IQGAP2: variants seen among roughly 807,000 people sequenced by gnomAD.
IQGAP2 encodes the protein ras GTPase-activating-like protein IQGAP2.
IQGAP2 carries 173 observed loss-of-function variants against 201.3 expected under a neutral mutation model. The ratio of observed to expected loss-of-function variants is 0.86; its 90% CI spans 0.76 to 0.98. IQGAP2 has a LOEUF of 0.98. IQGAP2 is among the 50% of genes least tolerant of loss of function. The pLI is 0.00. For missense variants in IQGAP2, 1,687 were observed against 1,864.8 expected (o/e 0.90, Z 1.76); for synonymous variants, 675 against 673.9 (o/e 1.00, Z -0.03).
rs768954283 is a variant in IQGAP2, at chr5:76,671,852, C to T, written c.2937C>T (p.Asn979=). 1 of 1,614,060 alleles carries T rather than the reference C, an allele frequency of 6.2e-7. No homozygotes were observed. Among genetic ancestry groups the T allele is most frequent in the Non-Finnish European group, 8.5e-7 (1 of 1,179,984 alleles). Residue 979 remains asparagine (N), a synonymous_variant, in exon 24 of 36, where the codon AAC becomes AAT. Transcript: ENST00000274364. ...VSFNRGARGQ[N]TLRQLLAPVV... is the part of the protein sequence containing the mutation. ...TCAATAGAGGTGCCCGGGGACAGAA[C>T]ACCCTGCGCCAACTCCTGGCTCCAG...
intron 2 of IQGAP2, among the ~76,000 whole-genome samples, chr5:76,480,815 T>C (rs1270020301): frequency 6.6e-6 from 1 of 152,196 alleles, no homozygotes; most frequent in African/African-American, 2.4e-5. Context: ...TCTTAGTCTC[T>C]TGTGCCCCTA....
intron 1 of IQGAP2, among the ~76,000 whole-genome samples, chr5:76,439,301 A>G (rs1752894031): frequency 6.6e-6 from 1 of 152,250 alleles, no homozygotes; most frequent in South Asian, 2.1e-4. Context: ...TGTGTTGAGA[A>G]GAATGTATAT....
intron 3 of IQGAP2, among the ~76,000 whole-genome samples, chr5:76,570,130 C>A (rs1333187253): frequency 6.6e-6 from 1 of 152,066 alleles, no homozygotes; most frequent in African/African-American, 2.4e-5. Flanking sequence ...AGGTTTTCTG[C>A]AGAAATATTC....
intron 5 of IQGAP2, among the ~76,000 whole-genome samples, chr5:76,584,361 A>G (rs1205488621): frequency 6.6e-6 from 1 of 152,230 alleles, no homozygotes; most frequent in African/African-American, 2.4e-5. Context: ...TAAAAATGCC[A>G]TCTACTAACC....
In IQGAP2 at chr5:76,437,166, C is replaced by G. The variant is rs371233558; in HGVS notation, c.47-24404C>G. Among the ~76,000 whole-genome samples the G allele has an allele frequency of 3.3e-5, 5 of 152,116 alleles. No individual in the cohort carries two copies. In the East Asian group the frequency reaches 7.8e-4, roughly 24 times the overall value. ...TTTTGGGTTCAAGTGATTCCCATGT[C>G]TCAGCCTCCTGAGTAGCTGAGATTA... On this transcript the variant is annotated intron_variant, in intron 1 of 35. Coordinates refer to ENST00000274364, the MANE Select transcript of IQGAP2 (RefSeq NM_006633.5).
chr5:76,696,074 G>A (rs1011992490), intron 32 of IQGAP2, among the ~76,000 whole-genome samples: 9 of 151,720 alleles, frequency 5.9e-5, no homozygotes, highest in African/African-American at 1.9e-4. Context: ...ATCCTGACCC[G>A]GTGATCCACC....
Position 76,649,602 on chromosome 5 carries a change from T to G in IQGAP2, c.2095-3148T>G, listed in dbSNP as rs2431365. Among the ~76,000 whole-genome samples, 169 of 152,316 alleles carry G rather than the reference T, an allele frequency of 1.1e-3. 3 individuals carry two copies. The East Asian group carries it at 0.022, about 20-fold the overall frequency. On this transcript the variant is annotated intron_variant, in intron 17 of 35. Coordinates refer to ENST00000274364, the MANE Select transcript of IQGAP2 (RefSeq NM_006633.5). ...TGAATGAAGCCTGCTTCATTCTCTGTGGTTTCTCTCAAGGGATGGCGTTCA... is the reference window on the plus strand; with the variant it reads ...TGAATGAAGCCTGCTTCATTCTCTGGGGTTTCTCTCAAGGGATGGCGTTCA...
chr5:76,533,691 C>T (rs1005989622), intron 2 of IQGAP2, among the ~76,000 whole-genome samples: 2 of 152,114 alleles, frequency 1.3e-5, no homozygotes, highest in African/African-American at 4.8e-5. Flanking sequence ...CAGGCACCCA[C>T]CACACCTGGC....
intron 21 of IQGAP2, among the ~76,000 whole-genome samples, chr5:76,660,735 GTTAAA>G (rs1743177341): frequency 6.6e-6 from 1 of 152,128 alleles, no homozygotes; most frequent in African/African-American, 2.4e-5. Context: ...TTTTTTAGCG[GTTAAA>G]TTAATGATTA....
At chr5:76,503,680 C>G (rs868564345) in intron 2 of IQGAP2, among the ~76,000 whole-genome samples, 1 of 152,122 alleles carries the variant, frequency 6.6e-6, no homozygotes, top group Middle Eastern at 3.4e-3. Flanking sequence ...CAATCTCCGC[C>G]TCTTGGGTTC....
chr5:76,646,396 A>C (rs1752040458), intron 17 of IQGAP2, among the ~76,000 whole-genome samples: 1 of 152,218 alleles, frequency 6.6e-6, no homozygotes, highest in African/African-American at 2.4e-5. Context: ...GTGTGAACAC[A>C]TACCCAATGC....
chr5:76,602,594 T>A (rs1016375800), intron 11 of IQGAP2, among the ~76,000 whole-genome samples: 9 of 149,222 alleles, frequency 6.0e-5, no homozygotes, highest in Admixed American at 4.1e-4. Flanking sequence ...TTTTTTTTTT[T>A]AATTTAAATA....
chr5:76,619,556 G>A (rs1053430127), intron 13 of IQGAP2, among the ~76,000 whole-genome samples: 7 of 127,920 alleles, frequency 5.5e-5, no homozygotes, highest in South Asian at 2.5e-4. Flanking sequence ...TCACTCTGTC[G>A]CCCAGGCTGG....
At chr5:76,427,302 G>A (rs949008651) in intron 1 of IQGAP2, among the ~76,000 whole-genome samples, 7 of 152,104 alleles carry the variant, frequency 4.6e-5, no homozygotes, top group South Asian at 2.1e-4. Context: ...TGTGTTGCCT[G>A]GCCAAGCTCC....
At chr5:76,586,636 T>G (rs1746269709) in intron 5 of IQGAP2, among the ~76,000 whole-genome samples, 1 of 152,220 alleles carries the variant, frequency 6.6e-6, no homozygotes. Context: ...AAAATGGCAT[T>G]CAGATGTATT....
At chr5:76,444,134 C>T (rs954601289) in intron 1 of IQGAP2, among the ~76,000 whole-genome samples, 5 of 152,048 alleles carry the variant, frequency 3.3e-5, no homozygotes, top group Non-Finnish European at 5.9e-5. Context: ...ACCTGTAATC[C>T]CATCACATTG....
At chr5:76,681,947 A>G (rs1391520655) in intron 28 of IQGAP2, among the ~76,000 whole-genome samples, 6 of 152,254 alleles carry the variant, frequency 3.9e-5, no homozygotes, top group African/African-American at 1.4e-4. Context: ...CCTTGAAGAC[A>G]TTATGCTAAT....
intron 17 of IQGAP2, among the ~76,000 whole-genome samples, chr5:76,650,492 G>A (rs1196258710): frequency 6.6e-6 from 1 of 152,108 alleles, no homozygotes; most frequent in Non-Finnish European, 1.5e-5. Context: ...TGGGTTTTTT[G>A]TTAACATGTG....
chr5:76,632,194 G>T (rs1466612227), intron 15 of IQGAP2, among the ~76,000 whole-genome samples, 168 bp downstream of exon 15: 1 of 152,074 alleles, frequency 6.6e-6, no homozygotes, highest in East Asian at 1.9e-4. Flanking sequence ...TTTCTTTTTA[G>T]TTTTAGAAAG....
Sources: allele counts gnomAD v4.1 joint callset (sites outside exome capture counted in the v4.1 genomes callset), GRCh38; gene constraint gnomAD v4.1.1; transcripts MANE v1.5; gene names NCBI Gene and HGNC (gene_info 2026-07-23, HGNC 2026-07-21).